MGLL: variants seen among roughly 807,000 people sequenced by gnomAD.
The protein encoded by MGLL is lysophospholipase homolog.
In MGLL, 7 loss-of-function variants were observed where a neutral mutation model predicts 29.1. That is an observed-to-expected ratio of 0.24 (90% confidence interval 0.14 to 0.45). MGLL has a LOEUF of 0.45. Ranked by LOEUF, MGLL falls within the 20% of genes least tolerant of loss-of-function variation. The pLI is 0.99. For missense variants in MGLL, 356 were observed against 413.6 expected (o/e 0.86, Z 1.21); for synonymous variants, 148 against 168.3 (o/e 0.88, Z 0.93).
intron 6 of MGLL, among the ~76,000 whole-genome samples, chr3:127,702,528 C>G (rs1263209449): frequency 6.6e-6 from 1 of 152,226 alleles, no homozygotes; most frequent in Non-Finnish European, 1.5e-5. Flanking sequence ...TCCACATTCT[C>G]CTCTCCTGGA....
chr3:127,766,622 G>A (rs569911904), intron 3 of MGLL, among the ~76,000 whole-genome samples: 124 of 152,288 alleles, frequency 8.1e-4, no homozygotes, highest in South Asian at 3.3e-3. Context: ...AAAGAACTCC[G>A]AAGACAGTGG....
chr3:127,747,218 C>T (rs559635364), intron 3 of MGLL, among the ~76,000 whole-genome samples: 3 of 152,122 alleles, frequency 2.0e-5, no homozygotes, highest in Non-Finnish European at 4.4e-5. Context: ...GGCCACCATC[C>T]CAGGCCTCCA....
intron 6 of MGLL, among the ~76,000 whole-genome samples, chr3:127,703,130 C>G (rs1390013584): frequency 6.6e-6 from 1 of 152,218 alleles, no homozygotes; most frequent in Admixed American, 6.5e-5. Context: ...TGCAGGGCTT[C>G]AGAGTCTTCA....
chr3:127,696,248 T>C (rs2075359328), intron 6 of MGLL, among the ~76,000 whole-genome samples: 1 of 152,162 alleles, frequency 6.6e-6, no homozygotes, highest in Admixed American at 6.5e-5. Context: ...CTGGCCTGTC[T>C]GGGTTTCTGG....
chr3:127,752,228 C>T (rs1192299708), intron 3 of MGLL, among the ~76,000 whole-genome samples: 2 of 152,092 alleles, frequency 1.3e-5, no homozygotes, highest in Non-Finnish European at 2.9e-5. Context: ...TCCCAAGTAG[C>T]TGGGATTGCA....
Position 127,782,711 on chromosome 3 carries a change from G to A in MGLL, c.156-816C>T, listed in dbSNP as rs538531266. 3.4e-4 allele frequency among the ~76,000 whole-genome samples: 52 copies of A among 152,282 alleles called. 2 individuals are homozygous for A. In the South Asian group the frequency reaches 0.01, roughly 30 times the overall value. ...CAGGCACGGAGTAAATGCCATGAGCGATACCCACCAACTTCTACTGCTGCT... is the reference window on the plus strand; with the variant it reads ...CAGGCACGGAGTAAATGCCATGAGCAATACCCACCAACTTCTACTGCTGCT... On this transcript the variant is annotated intron_variant, in intron 2 of 7. Transcript: ENST00000265052.
In MGLL at chr3:127,820,737, C is replaced by T. The variant is rs572526017; in HGVS notation, c.155+957G>A. ...GAACTGGTAGGAACTCTTCTCAGCA[C>T]GTTACCCACTTGAAAACACTAGAGA... On this transcript the variant is annotated intron_variant, in intron 2 of 7. Coordinates refer to ENST00000265052, the MANE Select transcript of MGLL (RefSeq NM_007283.7). Among the ~76,000 whole-genome samples the T allele has an allele frequency of 8.5e-5, 13 of 152,320 alleles. No individual in the cohort carries two copies. The South Asian group carries it at 1.2e-3, about 15-fold the overall frequency.
chr3:127,774,247 C>T (rs1163863630), intron 3 of MGLL, among the ~76,000 whole-genome samples: 3 of 152,246 alleles, frequency 2.0e-5, no homozygotes, highest in Non-Finnish European at 4.4e-5. Context: ...GCTCTAGACT[C>T]CCTCTGCCAC....
At chr3:127,783,948 C>T (rs904835909) in intron 2 of MGLL, 8 of 152,218 alleles carry the variant, frequency 5.3e-5, no homozygotes, top group African/African-American at 1.9e-4. Flanking sequence ...GGGAGCACAG[C>T]CACTACTGTC....
At position 127,689,703 on chromosome 3, in the gene MGLL, C is replaced by T. The variant is rs1227680052; in HGVS notation, c.*2495G>A. ...GACTCCAGAGCTCAGAATGTCAGCACGGAGCCGTCAGTATCGAGAAGGAAC... is the reference window on the plus strand; with the variant it reads ...GACTCCAGAGCTCAGAATGTCAGCATGGAGCCGTCAGTATCGAGAAGGAAC... On this transcript the variant is annotated 3_prime_UTR_variant, in exon 8 of 8. Transcript: ENST00000265052. 1.3e-5 allele frequency: 2 copies of T among 152,366 alleles called. No homozygotes were observed. The highest frequency in any genetic ancestry group is 2.1e-4 in the South Asian group (1 of 4,826). The allele number at this position is 152,366 out of a possible 1,614,324, so 9.4% of individuals were successfully genotyped here.
intron 3 of MGLL, among the ~76,000 whole-genome samples, chr3:127,731,179 T>C (rs1414073998): frequency 2.0e-5 from 3 of 152,160 alleles, no homozygotes; most frequent in Non-Finnish European, 4.4e-5. Context: ...CCTGGTTTTA[T>C]TTATGTATTT....
rs138315558 is a variant in MGLL, at chr3:127,738,253, A to T, written c.263-15687T>A. Among the ~76,000 whole-genome samples the T allele has an allele frequency of 7.0e-3, 1,062 of 151,452 alleles. 5 individuals are homozygous for T. The highest frequency in any genetic ancestry group is 0.02 in the Middle Eastern group (6 of 294). On this transcript the variant is annotated intron_variant, in intron 3 of 7. Coordinates refer to ENST00000265052, the MANE Select transcript of MGLL (RefSeq NM_007283.7). ...GAAGTTGAGGCTGCAGGGAGCCGTG[A>T]TTTCACCACTGCACTCCAGCCTGGG...
intron 2 of MGLL, among the ~76,000 whole-genome samples, chr3:127,801,258 C>T (rs1306913514): frequency 1.4e-5 from 2 of 145,230 alleles, no homozygotes; most frequent in South Asian, 2.2e-4. Flanking sequence ...GCCGAGATAG[C>T]GCCATTGCAC....
chr3:127,726,119 G>GGAAAGAAAGAAAGAAAGAAAGAAAGAAA (rs869029966), intron 3 of MGLL, among the ~76,000 whole-genome samples: 1 of 75,150 alleles, frequency 1.3e-5, no homozygotes, highest in African/African-American at 5.1e-5. Flanking sequence ...AAAGAAAGCA[G>GGAAAGAAAGAAAGAAAGAAAGAAAGAAA]GAAAGAAAGA....
intron 3 of MGLL, among the ~76,000 whole-genome samples, chr3:127,767,837 G>T (rs138731612): frequency 2.5e-4 from 38 of 152,334 alleles, no homozygotes; most frequent in African/African-American, 7.9e-4. Flanking sequence ...GAGGCCATCA[G>T]TAATAATAAT....
chr3:127,761,849 C>T lies in MGLL; in HGVS notation c.262+19940G>A, dbSNP rs903916849. Among the ~76,000 whole-genome samples, 1 of 152,200 alleles carries T rather than the reference C, an allele frequency of 6.6e-6. No homozygotes were observed. Among genetic ancestry groups the T allele is most frequent in the Non-Finnish European group, 1.5e-5 (1 of 68,038 alleles). ...AGACAAGCACTAAATATGCGTAGTGCACCCAGCGCACTTGCCGGGGAGTTG... is the reference window on the plus strand; with the variant it reads ...AGACAAGCACTAAATATGCGTAGTGTACCCAGCGCACTTGCCGGGGAGTTG... On this transcript the variant is annotated intron_variant, in intron 3 of 7. Transcript: ENST00000265052. The surrounding 1 kb of genome is among the most constrained non-coding windows in gnomAD (Gnocchi z 4.6).
Position 127,689,270 on chromosome 3 carries a change from T to A in MGLL, c.*2928A>T, listed in dbSNP as rs1037041802. 2.0e-5 allele frequency: 3 copies of A among 151,196 alleles called. No homozygotes were observed. Among genetic ancestry groups the A allele is most frequent in the African/African-American group, 7.3e-5 (3 of 41,052 alleles). 9.4% of individuals were successfully genotyped at this position (151,196 alleles called of 1,614,324 possible). A position where few individuals can be genotyped will look rare whatever the true frequency, so the allele number is the denominator to read the frequency against. The stretch of plus-strand genomic sequence containing the variant: ...AGCAATTGGTGAAAGAAGAAGAGAG[T>A]GAGATGGGACCCAGGTGGGCCTGGA... On this transcript the variant is annotated 3_prime_UTR_variant, in exon 8 of 8. Transcript: ENST00000265052.
chr3:127,740,278 AC>A (rs2076315656), intron 3 of MGLL, among the ~76,000 whole-genome samples: 1 of 152,024 alleles, frequency 6.6e-6, no homozygotes, highest in Non-Finnish European at 1.5e-5. Context: ...CCAGCTTCGA[AC>A]CCTGCCATCC....
At chr3:127,722,602 T>C (rs1328737707) in intron 3 of MGLL, 36 bp from the exon 4 acceptor site, 1 of 1,614,160 alleles carries the variant, frequency 6.2e-7, no homozygotes. Flanking sequence ...GAGCTGCAGT[T>C]ACCAGGTCGA....
Sources: gnomAD v4.1 joint callset for allele counts (sites outside exome capture counted in the v4.1 genomes callset) on GRCh38, gnomAD v4.1.1 for gene constraint, Gnocchi (gnomAD v3.1) non-coding constraint, MANE v1.5 for transcripts, NCBI Gene and HGNC (gene_info 2026-07-23, HGNC 2026-07-21) for gene names.